GK5: variants seen among roughly 807,000 people sequenced by gnomAD.
GK5 encodes glycerol kinase 5, also known as ATP:glycerol 3-phosphotransferase 5.
GK5 carries 39 observed loss-of-function variants against 77.3 expected under a neutral mutation model. The observed-to-expected ratio is 0.50, with a 90% confidence interval of 0.39 to 0.66. The LOEUF (loss-of-function observed/expected upper bound fraction) is 0.66, where lower values mean the gene tolerates loss of function less well. GK5 is among the 30% of genes least tolerant of loss of function. The pLI is 0.00. For missense variants in GK5, 487 were observed against 633.8 expected, an observed-to-expected ratio of 0.77 and a Z score of 2.49; for synonymous variants, 211 against 208.0, an observed-to-expected ratio of 1.01 and a Z score of -0.13.
chr3:142,192,090 T>C (rs1364136931), intron 5 of GK5, among the ~76,000 whole-genome samples: 1 of 152,208 alleles, frequency 6.6e-6, no homozygotes, highest in Non-Finnish European at 1.5e-5. Flanking sequence ...CATGAAAATA[T>C]GCTCTGTATC....
intron 3 of GK5, 49 bp downstream of exon 3, chr3:142,213,477 A>C (rs753196805): frequency 6.7e-6 from 7 of 1,047,792 alleles, no homozygotes; most frequent in Non-Finnish European, 1.1e-5. Flanking sequence ...CCGTGTACTC[A>C]CTGTGGCATG....
At chr3:142,181,297 C>G (rs1216718536) in intron 11 of GK5, among the ~76,000 whole-genome samples, 164 bp downstream of exon 11, 2 of 152,048 alleles carry the variant, frequency 1.3e-5, no homozygotes, top group Non-Finnish European at 2.9e-5. Context: ...TAGCCTTTTA[C>G]CATTTCGATA....
chr3:142,198,714 T>A lies in GK5; in HGVS notation c.543+88A>T, dbSNP rs77026555. 840 of 1,150,578 alleles carry A rather than the reference T, an allele frequency of 7.3e-4. 13 individuals carry two copies. In the East Asian group the frequency reaches 0.022, roughly 30 times the overall value. 71.3% of individuals were successfully genotyped at this position (1,150,578 alleles called of 1,614,324 possible). On this transcript the variant is annotated intron_variant, in intron 5 of 15. Coordinates refer to ENST00000392993, the MANE Select transcript of GK5 (RefSeq NM_001039547.3). ...TCCCTCAAATAATCAAATTACTATC[T>A]TTATTCCTTTAATTTTTTCTTCCCC...
rs1196051160 is a variant in GK5 at position 142,161,404 on chromosome 3, A to T, written c.*4218T>A. 1 of 152,192 alleles carries T rather than the reference A, an allele frequency of 6.6e-6. No homozygotes were observed. Among genetic ancestry groups the T allele is most frequent in the African/African-American group, 2.4e-5 (1 of 41,444 alleles). The allele number at this position is 152,192 out of a possible 1,614,324, so 9.4% of individuals were successfully genotyped here. ...TATAGTTCTTCTTAATCCAACAAAA[A>T]AGTATTTTACTCACAACAAATATAA... On this transcript the variant is annotated 3_prime_UTR_variant, in exon 16 of 16. Transcript: ENST00000392993.
chr3:142,173,538 G>A (rs1290738374), intron 12 of GK5, among the ~76,000 whole-genome samples: 1 of 151,958 alleles, frequency 6.6e-6, no homozygotes. Flanking sequence ...CAAAAAATTA[G>A]CCAGACATGG....
At chr3:142,214,746 G>T (rs573808564) in intron 2 of GK5, among the ~76,000 whole-genome samples, 1 of 152,120 alleles carries the variant, frequency 6.6e-6, no homozygotes, top group African/African-American at 2.4e-5. Context: ...TTTTCACTAA[G>T]ACAAGAGCAA....
Position 142,211,060 on chromosome 3 carries a change from T to G in GK5, c.317+2466A>C, listed in dbSNP as rs190866386. On this transcript the variant is annotated intron_variant, in intron 3 of 15. Coordinates refer to ENST00000392993, the MANE Select transcript of GK5 (RefSeq NM_001039547.3). ...AAATCCTTAGCTTGCTTTTCTTTTCTCCACATAATCTCTACCAGAGAACAC... is the reference window on the plus strand; with the variant it reads ...AAATCCTTAGCTTGCTTTTCTTTTCGCCACATAATCTCTACCAGAGAACAC... Among the ~76,000 whole-genome samples, 517 of 152,374 alleles carry G rather than the reference T, an allele frequency of 3.4e-3. 1 individual carries two copies. Among genetic ancestry groups the G allele is most frequent in the Non-Finnish European group, 5.2e-3 (357 of 68,034 alleles).
intron 3 of GK5, among the ~76,000 whole-genome samples, chr3:142,212,039 T>C (rs2064194694): frequency 6.6e-6 from 1 of 152,238 alleles, no homozygotes; most frequent in African/African-American, 2.4e-5. Context: ...AAATTTCTTC[T>C]TCCTGCCCAA....
intron 9 of GK5, among the ~76,000 whole-genome samples, chr3:142,184,260 C>CAAAAAAAAAAAAAAAAAAAAAAAAAAA (rs1161704184): frequency 9.4e-5 from 1 of 10,678 alleles, no homozygotes; most frequent in Non-Finnish European, 1.7e-4. Context: ...GACTCTGTCT[C>CAAAAAAAAAAAAAAAAAAAAAAAAAAA]AAAAAAAAAA....
Position 142,177,468 on chromosome 3 carries a change from T to TA in GK5, c.1143+13dup. ...AAATATTTGTGATTGCCATTAACTT[T>TA]AAAAAATACATACCTGTAATCCACT... On this transcript the variant is annotated intron_variant, in intron 12 of 15. Transcript: ENST00000392993. 1.4e-6 allele frequency: 2 copies of TA among 1,476,716 alleles called. No homozygotes were observed. The highest frequency in any genetic ancestry group is 1.9e-6 in the Non-Finnish European group (2 of 1,068,230). The allele number at this position is 1,476,716 out of a possible 1,614,324, so 91.5% of individuals were successfully genotyped here.
intron 1 of GK5, among the ~76,000 whole-genome samples, chr3:142,217,841 C>T (rs2064294199): frequency 1.3e-5 from 2 of 152,164 alleles, no homozygotes; most frequent in African/African-American, 4.8e-5. Context: ...AGTGGCTCAA[C>T]ATTTACAGTG....
chr3:142,192,591 C>T (rs990268344), intron 5 of GK5, among the ~76,000 whole-genome samples: 2 of 151,914 alleles, frequency 1.3e-5, no homozygotes, highest in Non-Finnish European at 2.9e-5. Context: ...TGATGAAATC[C>T]CGTCTCTACT....
chr3:142,223,069 T>C (rs1315253803), intron 1 of GK5, among the ~76,000 whole-genome samples: 1 of 152,222 alleles, frequency 6.6e-6, no homozygotes, highest in African/African-American at 2.4e-5. Flanking sequence ...ATCTTTCTTT[T>C]ATCCAGACAC....
Position 142,165,576 on chromosome 3 carries a change from C to A in GK5, c.*46G>T. The A allele has an allele frequency of 6.8e-7, 1 of 1,473,556 alleles. No individual in the cohort carries two copies. The highest frequency in any genetic ancestry group is 9.2e-7 in the Non-Finnish European group (1 of 1,087,508). 91.3% of individuals were successfully genotyped at this position (1,473,556 alleles called of 1,614,324 possible). A position where few individuals can be genotyped will look rare whatever the true frequency, so the allele number is the denominator to read the frequency against. ...ATCCCTGAGCTTCATCTCATCTGCACGTCACATAAACCAGCTACCTATGGT... is the reference window on the plus strand; with the variant it reads ...ATCCCTGAGCTTCATCTCATCTGCAAGTCACATAAACCAGCTACCTATGGT... On this transcript the variant is annotated 3_prime_UTR_variant, in exon 16 of 16. Transcript: ENST00000392993.
chr3:142,175,820 A>T (rs947873184), intron 12 of GK5, among the ~76,000 whole-genome samples: 10 of 148,890 alleles, frequency 6.7e-5, no homozygotes, highest in East Asian at 3.9e-4. Context: ...AACTTAAAAA[A>T]ATATACTTTA....
chr3:142,215,697 T>C lies in GK5; in HGVS notation c.148-5A>G, dbSNP rs780688877. The stretch of plus-strand genomic sequence containing the variant: ...TTGAGGATAAAGATTTTCTACCTAT[T>C]AAGGAAAAGAAGATTTAGTAAAAAC... On this transcript the variant is annotated splice_polypyrimidine_tract_variant and splice_region_variant and intron_variant, in intron 1 of 15. Coordinates refer to ENST00000392993, the MANE Select transcript of GK5 (RefSeq NM_001039547.3). 4.1e-6 allele frequency: 6 copies of C among 1,470,042 alleles called. No homozygotes were observed. In the South Asian group the frequency reaches 7.0e-5, roughly 17 times the overall value. The allele number at this position is 1,470,042 out of a possible 1,614,324, so 91.1% of individuals were successfully genotyped here. A position where few individuals can be genotyped will look rare whatever the true frequency, so the allele number is the denominator to read the frequency against.
At chr3:142,167,804 G>C (rs2063490075) in intron 15 of GK5, among the ~76,000 whole-genome samples, 1 of 152,242 alleles carries the variant, frequency 6.6e-6, no homozygotes, top group African/African-American at 2.4e-5. Flanking sequence ...CTGAGGTCAG[G>C]AGTTTGACAC....
intron 9 of GK5, among the ~76,000 whole-genome samples, chr3:142,183,819 A>C (rs574249548): frequency 6.6e-6 from 1 of 152,036 alleles, no homozygotes; most frequent in African/African-American, 2.4e-5. Context: ...GGCTAGTCTC[A>C]AACTCCTGGC....
At chr3:142,167,771 G>A (rs1244798998) in intron 15 of GK5, among the ~76,000 whole-genome samples, 1 of 152,240 alleles carries the variant, frequency 6.6e-6, no homozygotes, top group African/African-American at 2.4e-5. Context: ...CAGCACTTTG[G>A]GATGCCAAAG....
Sources: gnomAD v4.1 joint callset for allele counts (sites outside exome capture counted in the v4.1 genomes callset) on GRCh38, gnomAD v4.1.1 for gene constraint, MANE v1.5 for transcripts, NCBI Gene and HGNC (gene_info 2026-07-23, HGNC 2026-07-21) for gene names.